The following LATS1 variants were observed in gnomAD, a reference collection of about 807,000 sequenced individuals.
The protein encoded by LATS1 is large tumor suppressor kinase 1.
Under a neutral mutation model 106.6 loss-of-function variants are expected in LATS1, and 25 were observed. The ratio of observed to expected loss-of-function variants is 0.23; its 90% CI spans 0.17 to 0.33. LATS1 has a LOEUF of 0.33. Among genes scored for constraint, LATS1 ranks in the 10% least tolerant of loss-of-function variants. The pLI is 1.00. For missense variants in LATS1, 1,040 were observed against 1,382.6 expected (o/e 0.75, Z 3.93); for synonymous variants, 465 against 455.6 (o/e 1.02, Z -0.26).
At chr6:149,701,701 T>C in intron 2 of LATS1, 78 bp downstream of exon 2, 1 of 993,968 alleles carries the variant, frequency 1.0e-6, no homozygotes, top group Non-Finnish European at 1.5e-6. Context: ...AGGAAACATT[T>C]TGGCATGTTA....
rs541494523 is a variant in LATS1, at chr6:149,713,475, T to C, written c.-141+4374A>G. 1.1e-3 allele frequency among the ~76,000 whole-genome samples: 159 copies of C among 151,298 alleles called. 1 individual carries two copies. Among genetic ancestry groups the C allele is most frequent in the South Asian group, 4.2e-3 (20 of 4,756 alleles). ...ACACCCGGCTAATTTTTTGTATTTT[T>C]AGTAGAGACGGGGTTTCTCCATGTT... On this transcript the variant is annotated intron_variant, in intron 1 of 7. Transcript: ENST00000543571.
chr6:149,707,158 G>A (rs115159259), intron 1 of LATS1, among the ~76,000 whole-genome samples: 2,092 of 151,716 alleles, frequency 0.014, 47 homozygotes, highest in African/African-American at 0.049. Context: ...CGAGATCACA[G>A]GTGTGTACCA....
chr6:149,659,150 T>C lies in LATS1; in HGVS notation c.*2579A>G, dbSNP rs779580427. On this transcript the variant is annotated 3_prime_UTR_variant, in exon 8 of 8. Coordinates refer to ENST00000543571, the MANE Select transcript of LATS1 (RefSeq NM_004690.4). ...GCTTCAGATAAATGCAAAAAGCTTA[T>C]AGTATCAGAGGAAATTTTAAAAGAA... 16 of 168,382 alleles carry C rather than the reference T, an allele frequency of 9.5e-5. No homozygotes were observed. Among genetic ancestry groups the C allele is most frequent in the Middle Eastern group, 2.4e-3 (1 of 416 alleles). 10.4% of individuals were successfully genotyped at this position (168,382 alleles called of 1,614,324 possible). A position where few individuals can be genotyped will look rare whatever the true frequency, so the allele number is the denominator to read the frequency against.
chr6:149,683,960 G>T lies in LATS1; in HGVS notation c.1129C>A (p.Pro377Thr). 6.2e-7 allele frequency: 1 copy of T among 1,614,208 alleles called. No individual in the cohort carries two copies. Among genetic ancestry groups the T allele is most frequent in the South Asian group, 1.1e-5 (1 of 91,080 alleles). ...TVNRQPPPPY[P>T]LTAANGQSPS... is the part of the protein sequence containing the mutation. ...CTTTGTCCATTAGCTGCTGTCAGAG[G>T]ATATGGAGGTGGTGGCTGCCGATTC... is the stretch of plus-strand genomic sequence containing the variant. The change falls in exon 4 of 8, where the codon CCT becomes ACT. Residue 377 changes from proline (P) to threonine (T), a missense_variant. By Grantham distance (38) the Pro-to-Thr change is conservative. This residue lies in a region of LATS1 where 624 missense variants were observed against 714.8 expected (regional missense o/e 0.87). Transcript: ENST00000543571.
rs1027353600 is a variant in LATS1, at chr6:149,661,258, C to G, written c.*471G>C. ...TCACCAACACGATGGCTTAATTTCTCTAGCTTATTTTCTACCAAAAACAAG... is the reference window on the plus strand; with the variant it reads ...TCACCAACACGATGGCTTAATTTCTGTAGCTTATTTTCTACCAAAAACAAG... On this transcript the variant is annotated 3_prime_UTR_variant, in exon 8 of 8. Transcript: ENST00000543571. 3.0e-5 allele frequency: 7 copies of G among 232,298 alleles called. No individual in the cohort carries two copies. Among genetic ancestry groups the G allele is most frequent in the African/African-American group, 1.1e-4 (5 of 45,238 alleles). The allele number at this position is 232,298 out of a possible 1,614,324, so 14.4% of individuals were successfully genotyped here.
Position 149,658,400 on chromosome 6 carries a change from T to C in LATS1, c.*3329A>G, listed in dbSNP as rs1383932506. 1 of 152,184 alleles carries C rather than the reference T, an allele frequency of 6.6e-6. No homozygotes were observed. 9.4% of individuals were successfully genotyped at this position (152,184 alleles called of 1,614,324 possible). On this transcript the variant is annotated 3_prime_UTR_variant, in exon 8 of 8. Transcript: ENST00000543571. ...AAATACTTATATACACAATACAATA[T>C]AAAAGTAAACTGTGTAGTGCCTTCC... is the stretch of plus-strand genomic sequence containing the variant.
intron 3 of LATS1, among the ~76,000 whole-genome samples, chr6:149,689,717 A>G (rs1782613684): frequency 6.6e-6 from 1 of 152,154 alleles, no homozygotes; most frequent in Non-Finnish European, 1.5e-5. Context: ...TTGGTTTTCT[A>G]TTTCAGAGAA....
At chr6:149,677,955 G>T (rs1331996276) in intron 5 of LATS1, among the ~76,000 whole-genome samples, 1 of 151,378 alleles carries the variant, frequency 6.6e-6, no homozygotes, top group Non-Finnish European at 1.5e-5. Context: ...AGGAGATGGA[G>T]GTTGCAGTGG....
chr6:149,695,966 G>A (rs1783039573), intron 2 of LATS1, among the ~76,000 whole-genome samples: 1 of 151,388 alleles, frequency 6.6e-6, no homozygotes, highest in Non-Finnish European at 1.5e-5. Flanking sequence ...GTGCAATGGT[G>A]CGATCTTGGC....
intron 7 of LATS1, among the ~76,000 whole-genome samples, chr6:149,674,494 C>T (rs141698854): frequency 4.6e-5 from 7 of 152,110 alleles, no homozygotes; most frequent in Admixed American, 1.3e-4. Context: ...ACCTTAGCCT[C>T]CCAGGTAGCT....
chr6:149,684,308 TACCTCTTGGAGGGGGAGTCTG>T lies in LATS1; in HGVS notation c.760_780del (p.Gln254_Gly260del). The stretch of plus-strand genomic sequence containing the variant: ...TCCCATGAAGGGGGAGGTGGAGTTG[TACCTCTTGGAGGGGGAGTCTG>T]GCCTCTTGGAGGTGGTGGAGGAGTA... On this transcript the variant is annotated inframe_deletion, in exon 4 of 8. Transcript: ENST00000543571. 6.2e-7 allele frequency: 1 copy of T among 1,614,006 alleles called. No individual in the cohort carries two copies. Among genetic ancestry groups the T allele is most frequent in the East Asian group, 2.2e-5 (1 of 44,874 alleles).
rs1337330787 is a variant in LATS1 at position 149,662,232 on chromosome 6, T to G, written c.2890A>C (p.Asn964His). Residue 964 changes from asparagine (N) to histidine (H), a missense_variant, in exon 8 of 8, where the codon AAC becomes CAC. Asn to His is a moderately conservative substitution (Grantham distance 68). Around this residue, in one of 7 missense-constraint regions of LATS1, gnomAD observed 113 missense variants for 146.3 expected, o/e 0.77. Transcript: ENST00000543571. ...GGAATGTGAAGAGATGTTTGCCAGT[T>G]GATAACCTTTAAAGATTTTTTAAAA... Reference protein sequence around the residue: ...TPLETQMKVINWQTSLHIPPQ... With the variant: ...TPLETQMKVIHWQTSLHIPPQ... 2.5e-6 allele frequency: 4 copies of G among 1,586,374 alleles called. No individual in the cohort carries two copies. In the African/African-American group the frequency reaches 4.1e-5, roughly 16 times the overall value.
chr6:149,684,551 C>A lies in LATS1; in HGVS notation c.538G>T (p.Gly180Cys), dbSNP rs1782253377. The change falls in exon 4 of 8, where the codon GGT becomes TGT. Residue 180 changes from glycine to cysteine, a missense_variant. By Grantham distance (159) the Gly-to-Cys change is radical. Around this residue, in one of 7 missense-constraint regions of LATS1, gnomAD observed 624 missense variants for 714.8 expected, o/e 0.87. Transcript: ENST00000543571. ...QSVNRKQSWK[G>C]SKESLVPQRH... The stretch of plus-strand genomic sequence containing the variant: ...TGAGGAACTAAGGATTCTTTAGAAC[C>A]TTTCCAGCTCTGTTTGCGGTTAACT... 1.9e-6 allele frequency: 3 copies of A among 1,608,986 alleles called. No individual in the cohort carries two copies. Among genetic ancestry groups the A allele is most frequent in the Non-Finnish European group, 2.6e-6 (3 of 1,176,194 alleles).
intron 1 of LATS1, 21 bp downstream of exon 1, chr6:149,717,828 C>T (rs1301512567): frequency 6.8e-6 from 2 of 294,846 alleles, no homozygotes; most frequent in African/African-American, 4.7e-5. Flanking sequence ...AGCGCACCCG[C>T]TACGCCAGCC....
chr6:149,669,278 C>A (rs796929674), intron 7 of LATS1, among the ~76,000 whole-genome samples: 1 of 151,906 alleles, frequency 6.6e-6, no homozygotes, highest in Non-Finnish European at 1.5e-5. Flanking sequence ...GCACTACAGG[C>A]ACCTGCCACC....
Position 149,661,938 on chromosome 6 carries a change from T to G in LATS1, c.3184A>C (p.Asn1062His). ...TGCTTTCCATTTTTATACCATCCATTGAGAGTGTCATTTACATTTTCTTCC... is the reference window on the plus strand; with the variant it reads ...TGCTTTCCATTTTTATACCATCCATGGAGAGTGTCATTTACATTTTCTTCC... ...NEEENVNDTLNGWYKNGKHPE... is the reference protein window; with the variant it reads ...NEEENVNDTLHGWYKNGKHPE... Residue 1062 changes from asparagine (N) to histidine (H), a missense_variant, in exon 8 of 8, where the codon AAT (asparagine) becomes CAT (histidine). Coordinates refer to ENST00000543571, the MANE Select transcript of LATS1 (RefSeq NM_004690.4). The G allele has an allele frequency of 5.0e-6, 8 of 1,613,998 alleles. No individual in the cohort carries two copies. The highest frequency in any genetic ancestry group is 6.8e-6 in the Non-Finnish European group (8 of 1,179,924).
chr6:149,659,442 G>C lies in LATS1; in HGVS notation c.*2287C>G, dbSNP rs113493140. 0.048 allele frequency: 10,448 copies of C among 218,392 alleles called. 636 individuals carry two copies. The highest frequency in any genetic ancestry group is 0.15 in the African/African-American group (6,747 of 44,268). The allele number at this position is 218,392 out of a possible 1,614,324, so 13.5% of individuals were successfully genotyped here. A position where few individuals can be genotyped will look rare whatever the true frequency, so the allele number is the denominator to read the frequency against. ...CCACTGCCCTCCAGCCTGGGTGACAGAGTGAGACCCTGTCTCAAAACAAAA... is the reference window on the plus strand; with the variant it reads ...CCACTGCCCTCCAGCCTGGGTGACACAGTGAGACCCTGTCTCAAAACAAAA... On this transcript the variant is annotated 3_prime_UTR_variant, in exon 8 of 8. Coordinates refer to ENST00000543571, the MANE Select transcript of LATS1 (RefSeq NM_004690.4).
Position 149,676,548 on chromosome 6 carries a change from G to A in LATS1, c.2776+7C>T. On this transcript the variant is annotated splice_region_variant and intron_variant, in intron 6 of 7. Coordinates refer to ENST00000543571, the MANE Select transcript of LATS1 (RefSeq NM_004690.4). ...TACTGAGAATATATATGAAAGAAGT[G>A]CTTTACCTGTTCGTAGCAACACTTC... is the stretch of plus-strand genomic sequence containing the variant. 6.2e-7 allele frequency: 1 copy of A among 1,612,188 alleles called. No homozygotes were observed. Among genetic ancestry groups the A allele is most frequent in the Non-Finnish European group, 8.5e-7 (1 of 1,178,708 alleles).
intron 3 of LATS1, among the ~76,000 whole-genome samples, chr6:149,690,013 G>A (rs1014528886): frequency 2.0e-5 from 3 of 150,230 alleles, no homozygotes; most frequent in Non-Finnish European, 4.4e-5. Context: ...CCCATATATA[G>A]AGCTCTACCT....
Sources: allele counts gnomAD v4.1 joint callset (sites outside exome capture counted in the v4.1 genomes callset), GRCh38; gene constraint gnomAD v4.1.1; regional missense constraint gnomAD v4.1.1; transcripts MANE v1.5; gene names NCBI Gene and HGNC (gene_info 2026-07-23, HGNC 2026-07-21).